Variants in CRYBG1 observed in about 807,000 individuals in gnomAD.
CRYBG1 encodes beta/gamma crystallin domain-containing protein 1.
In CRYBG1, 139 loss-of-function variants were observed where a neutral mutation model predicts 189.2. That is an observed-to-expected ratio of 0.73 (90% CI 0.64 to 0.85). The LOEUF (loss-of-function observed/expected upper bound fraction) is 0.85, where lower values mean the gene tolerates loss of function less well. CRYBG1 is among the 40% of genes least tolerant of loss of function. CRYBG1 has a pLI of 0.00. For synonymous variants in CRYBG1, 1,023 were observed against 1,017.1 expected (o/e 1.01, Z -0.11); for missense variants, 2,611 against 2,675.8 (o/e 0.98, Z 0.53).
chr6:106,525,484 A>G, intron 6 of CRYBG1, 98 bp downstream of exon 6: 1 of 883,394 alleles, frequency 1.1e-6, no homozygotes. Flanking sequence ...TTATGGCTTT[A>G]GCAATGAAAA....
At chr6:106,390,805 A>G (rs1770484813) in intron 1 of CRYBG1, among the ~76,000 whole-genome samples, 1 of 152,182 alleles carries the variant, frequency 6.6e-6, no homozygotes, top group South Asian at 2.1e-4. Context: ...TATTTTATAC[A>G]TGCTATTACC....
chr6:106,416,999 C>CTTTTTTTTTTTTTTTTTTT (rs71663353), intron 1 of CRYBG1, among the ~76,000 whole-genome samples: 1 of 69,504 alleles, frequency 1.4e-5, no homozygotes, highest in African/African-American at 6.4e-5. Flanking sequence ...ATGGGATTTA[C>CTTTTTTTTTTTTTTTTTTT]TTTTTTTTTT....
Position 106,555,749 on chromosome 6 carries a change from G to A in CRYBG1, c.5586-19G>A. ...CAAGTTGCATATTCTGTGCATGTGT[G>A]TGGTTTTTCCCATTGTAGCTGGGTT... On this transcript the variant is annotated intron_variant, in intron 16 of 21. Coordinates refer to ENST00000633556, the MANE Select transcript of CRYBG1 (RefSeq NM_001371242.2). 1 of 1,613,898 alleles carries A rather than the reference G, an allele frequency of 6.2e-7. No homozygotes were observed. The highest frequency in any genetic ancestry group is 8.5e-7 in the Non-Finnish European group (1 of 1,179,872).
At chr6:106,463,648 C>T (rs1191374948) in intron 2 of CRYBG1, among the ~76,000 whole-genome samples, 1 of 152,184 alleles carries the variant, frequency 6.6e-6, no homozygotes, top group Non-Finnish European at 1.5e-5. Context: ...TGGAATAAAA[C>T]ATTTGATGTT....
chr6:106,462,165 T>TTTTGG (rs1056725382), intron 2 of CRYBG1, among the ~76,000 whole-genome samples: 5 of 149,728 alleles, frequency 3.3e-5, no homozygotes, highest in African/African-American at 1.3e-4. Flanking sequence ...TTTTTTGTTT[T>TTTTGG]TTTGTTTTGT....
chr6:106,544,516 G>T, intron 11 of CRYBG1, 55 bp from the exon 12 acceptor site: 1 of 1,589,040 alleles, frequency 6.3e-7, no homozygotes, highest in South Asian at 1.1e-5. Flanking sequence ...TATGTACCTT[G>T]AAAAAATGTT....
At chr6:106,515,092 G>A (rs1033552255) in intron 3 of CRYBG1, among the ~76,000 whole-genome samples, 4 of 152,194 alleles carry the variant, frequency 2.6e-5, no homozygotes, top group Admixed American at 6.5e-5. Context: ...TGACACTGAA[G>A]TAGCATGTTC....
chr6:106,487,022 G>T (rs1772605571), intron 2 of CRYBG1, among the ~76,000 whole-genome samples: 1 of 151,896 alleles, frequency 6.6e-6, no homozygotes, highest in Non-Finnish European at 1.5e-5. Flanking sequence ...TCTGTGACTT[G>T]GTGGTTTTCT....
chr6:106,465,575 A>G (rs1313521190), intron 2 of CRYBG1, among the ~76,000 whole-genome samples: 1 of 152,196 alleles, frequency 6.6e-6, no homozygotes, highest in African/African-American at 2.4e-5. Flanking sequence ...AGATCGCTGA[A>G]TCCGTGTAGA....
At chr6:106,439,121 T>A (rs1027348400) in intron 1 of CRYBG1, among the ~76,000 whole-genome samples, 1 of 151,914 alleles carries the variant, frequency 6.6e-6, no homozygotes, top group African/African-American at 2.4e-5. Flanking sequence ...TTTTCTTCTT[T>A]TAAAGAAAAA....
chr6:106,544,471 G>A, intron 11 of CRYBG1, 100 bp from the exon 12 acceptor site: 1 of 1,385,246 alleles, frequency 7.2e-7, no homozygotes. Context: ...GTCATGTCTA[G>A]CTTTATAACT....
chr6:106,557,557 T>C (rs1774579458), intron 17 of CRYBG1, among the ~76,000 whole-genome samples: 1 of 152,162 alleles, frequency 6.6e-6, no homozygotes, highest in African/African-American at 2.4e-5. Context: ...ATTACAAGCA[T>C]GCACCACCAT....
At chr6:106,555,988 T>C (rs1241125238) in intron 17 of CRYBG1, 91 bp downstream of exon 17, 7 of 1,416,100 alleles carry the variant, frequency 4.9e-6, no homozygotes, top group African/African-American at 1.4e-5. Flanking sequence ...GAACCTGCTC[T>C]TAAAGTTAGT....
intron 2 of CRYBG1, among the ~76,000 whole-genome samples, chr6:106,461,065 G>C (rs377699924): frequency 6.8e-6 from 1 of 147,874 alleles, no homozygotes; most frequent in Admixed American, 6.8e-5. Context: ...GATTACAGGG[G>C]TGAGCCACCG....
intron 1 of CRYBG1, among the ~76,000 whole-genome samples, chr6:106,363,103 G>A (rs1239807905): frequency 3.5e-4 from 53 of 151,152 alleles, no homozygotes; most frequent in Admixed American, 3.4e-3. Flanking sequence ...AATTAGCCGG[G>A]CATGGTGGCG....
intron 1 of CRYBG1, among the ~76,000 whole-genome samples, chr6:106,435,899 A>G (rs76520206): frequency 6.6e-5 from 10 of 152,184 alleles, no homozygotes; most frequent in African/African-American, 2.4e-4. Flanking sequence ...CGTGTCTTGG[A>G]AACCATCCAA....
chr6:106,532,146 C>G (rs571758670), intron 8 of CRYBG1, among the ~76,000 whole-genome samples: 1 of 152,070 alleles, frequency 6.6e-6, no homozygotes, highest in Admixed American at 6.5e-5. Context: ...ACCTCAAACA[C>G]GTATTATTTC....
chr6:106,437,678 C>T (rs1373671130), intron 1 of CRYBG1, among the ~76,000 whole-genome samples: 1 of 152,212 alleles, frequency 6.6e-6, no homozygotes, highest in Non-Finnish European at 1.5e-5. Flanking sequence ...CTCAATTGAT[C>T]CTCCTGCCTT....
rs906524775 is a variant in CRYBG1 at position 106,511,665 on chromosome 6, A to G, written c.548A>G (p.Glu183Gly). Residue 183 changes from glutamate to glycine, a missense_variant, in exon 3 of 22, where the codon GAG becomes GGG. Physicochemically the swap from Glu to Gly is moderately conservative, Grantham distance 98 (BLOSUM62 -2). This residue lies in a region of CRYBG1 where 985 missense variants were observed against 924.4 expected (regional missense o/e 1.07). Coordinates refer to ENST00000633556, the MANE Select transcript of CRYBG1 (RefSeq NM_001371242.2). ...CTGAAGCAAACGGACACAAGCGAGGAGGGCTCCCCGCGGGAGAATCCCCGA... is the reference window on the plus strand; with the variant it reads ...CTGAAGCAAACGGACACAAGCGAGGGGGGCTCCCCGCGGGAGAATCCCCGA... ...SQLKQTDTSE[E>G]GSPRENPREA... 6.5e-7 allele frequency: 1 copy of G among 1,535,576 alleles called. No homozygotes were observed. The highest frequency in any genetic ancestry group is 1.4e-5 in the African/African-American group (1 of 73,012).
Sources: gnomAD v4.1 joint callset for allele counts (sites outside exome capture counted in the v4.1 genomes callset) on GRCh38, gnomAD v4.1.1 for gene constraint, gnomAD v4.1.1 regional missense constraint, MANE v1.5 for transcripts, NCBI Gene and HGNC (gene_info 2026-07-23, HGNC 2026-07-21) for gene names.